The following DDB2 variants were observed in gnomAD, a reference collection of about 807,000 sequenced individuals.
The protein encoded by DDB2 is DNA damage-binding protein 2.
Under a neutral mutation model 50.5 loss-of-function variants are expected in DDB2, and 27 were observed. The ratio of observed to expected loss-of-function variants is 0.53; its 90% confidence interval spans 0.39 to 0.74. The LOEUF is 0.74. Ranked by LOEUF, DDB2 falls within the 30% of genes least tolerant of loss-of-function variation. DDB2 has a pLI of 0.00. For missense variants in DDB2, 424 were observed against 545.6 expected (o/e 0.78, Z 2.22); for synonymous variants, 176 against 205.5 (o/e 0.86, Z 1.23).
intron 3 of DDB2, among the ~76,000 whole-genome samples, chr11:47,222,980 T>C (rs1021320575): frequency 1.3e-5 from 2 of 152,246 alleles, no homozygotes; most frequent in Non-Finnish European, 2.9e-5. Flanking sequence ...ATATTTCTTA[T>C]AATGCAGATT....
intron 3 of DDB2, among the ~76,000 whole-genome samples, chr11:47,228,977 A>ATATCTCTCTATCTATCTATC (rs1554974379): frequency 2.4e-5 from 3 of 124,660 alleles, no homozygotes; most frequent in Non-Finnish European, 4.9e-5. Flanking sequence ...AAAAAAAGAA[A>ATATCTCTCTATCTATCTATC]TATCTATCTA....
At chr11:47,217,806 G>A (rs975858546) in intron 3 of DDB2, among the ~76,000 whole-genome samples, 2 of 152,054 alleles carry the variant, frequency 1.3e-5, no homozygotes, top group Non-Finnish European at 2.9e-5. Flanking sequence ...CAGGAGAATC[G>A]CTTGAACCCG....
At chr11:47,216,233 A>C in intron 1 of DDB2, 103 bp from the exon 2 acceptor site, 8 of 1,554,528 alleles carry the variant, frequency 5.1e-6, no homozygotes, top group African/African-American at 1.4e-5. Flanking sequence ...GTGATGAGAC[A>C]GAGATTAACC....
At chr11:47,227,988 A>G (rs1009035370) in intron 3 of DDB2, among the ~76,000 whole-genome samples, 2 of 151,670 alleles carry the variant, frequency 1.3e-5, no homozygotes, top group African/African-American at 4.8e-5. Flanking sequence ...AAATATGCAA[A>G]AATTAGCTGG....
chr11:47,214,936 C>G, upstream of DDB2: 2 of 692,436 alleles, frequency 2.9e-6, no homozygotes, highest in Non-Finnish European at 4.7e-6. Flanking sequence ...CAGGAAGGGG[C>G]GGGGTCTCCG....
chr11:47,224,828 T>C (rs1223445189), intron 3 of DDB2, among the ~76,000 whole-genome samples: 1 of 147,532 alleles, frequency 6.8e-6, no homozygotes, highest in Non-Finnish European at 1.5e-5. Context: ...GGCTGCTCCA[T>C]AGGCAAAGTA....
At chr11:47,224,019 T>A (rs750753057) in intron 3 of DDB2, among the ~76,000 whole-genome samples, 2 of 151,084 alleles carry the variant, frequency 1.3e-5, no homozygotes, top group African/African-American at 4.9e-5. Context: ...GAGAATTGCT[T>A]AAGCCCAGGG....
Position 47,235,317 on chromosome 11 carries a change from A to T in DDB2, c.928A>T (p.Ser310Cys). 3.7e-6 allele frequency: 6 copies of T among 1,614,142 alleles called. No individual in the cohort carries two copies. Among genetic ancestry groups the T allele is most frequent in the Non-Finnish European group, 5.1e-6 (6 of 1,180,030 alleles). The change falls in exon 7 of 10, where the codon AGC becomes TGC. Residue 310 changes from serine (S) to cysteine (C), a missense_variant. Transcript: ENST00000256996. ...CCGGCTCCTGACCACGGACCAGAAGAGCGAGATCCGAGTTTACTCTGCTTC... is the reference window on the plus strand; with the variant it reads ...CCGGCTCCTGACCACGGACCAGAAGTGCGAGATCCGAGTTTACTCTGCTTC... ...GARLLTTDQK[S>C]EIRVYSASQW...
chr11:47,235,518 G>T, intron 7 of DDB2, 106 bp downstream of exon 7: 2 of 1,255,950 alleles, frequency 1.6e-6, no homozygotes, highest in Admixed American at 3.9e-5. Context: ...TGCCACCCCA[G>T]ATCGCTCCTG....
intron 3 of DDB2, among the ~76,000 whole-genome samples, chr11:47,232,468 G>A (rs1279853810): frequency 4.0e-5 from 6 of 150,638 alleles, no homozygotes; most frequent in Non-Finnish European, 7.4e-5. Flanking sequence ...CTTGGGCAAC[G>A]TGACAAAACC....
chr11:47,232,762 C>T (rs533206595), intron 3 of DDB2, 52 bp from the exon 4 acceptor site: 100 of 1,602,584 alleles, frequency 6.2e-5, no homozygotes, highest in Non-Finnish European at 8.4e-5. Flanking sequence ...AGGCCTGGTT[C>T]CTCACGGCCA....
At chr11:47,234,469 T>C (rs886199884) in intron 4 of DDB2, 104 bp from the exon 5 acceptor site, 1 of 882,890 alleles carries the variant, frequency 1.1e-6, no homozygotes, top group Non-Finnish European at 1.9e-6. Context: ...ATTCAACAAA[T>C]ATTTATTGAA....
At chr11:47,238,767 A>C (rs1338238638) in intron 9 of DDB2, 33 bp from the exon 10 acceptor site, 1 of 1,612,066 alleles carries the variant, frequency 6.2e-7, no homozygotes, top group Non-Finnish European at 8.5e-7. Flanking sequence ...TGGTAACAGA[A>C]AGTGTAAGTC....
At position 47,215,108 on chromosome 11, in the gene DDB2, G is replaced by A; in HGVS notation, c.-29G>A. 1.2e-6 allele frequency: 2 copies of A among 1,613,918 alleles called. No individual in the cohort carries two copies. Among genetic ancestry groups the A allele is most frequent in the South Asian group, 1.1e-5 (1 of 91,080 alleles). ...CCTCCCTCCATGATCTTCGCATAGA[G>A]CACAGTACCCCTTCACACGGAGGAC... is the stretch of plus-strand genomic sequence containing the variant. On this transcript the variant is annotated 5_prime_UTR_variant, in exon 1 of 10. Transcript: ENST00000256996.
chr11:47,217,020 A>C lies in DDB2; in HGVS notation c.427A>C (p.Ile143Leu), dbSNP rs1273318303. The C allele has an allele frequency of 6.2e-7, 1 of 1,614,050 alleles. No individual in the cohort carries two copies. Among genetic ancestry groups the C allele is most frequent in the Admixed American group, 1.7e-5 (1 of 59,988 alleles). ...AGATATCATGCTCTGGAATTTTGGCATCAAGGACAAACCCACCTTCATCAA... is the reference window on the plus strand; with the variant it reads ...AGATATCATGCTCTGGAATTTTGGCCTCAAGGACAAACCCACCTTCATCAA... ...GGDIMLWNFG[I>L]KDKPTFIKGI... is the part of the protein sequence containing the mutation. Residue 143 changes from isoleucine to leucine, a missense_variant, in exon 3 of 10, where the codon ATC (isoleucine) becomes CTC (leucine). Physicochemically the swap from Ile to Leu is conservative, Grantham distance 5 (BLOSUM62 2). Coordinates refer to ENST00000256996, the MANE Select transcript of DDB2 (RefSeq NM_000107.3).
chr11:47,232,525 C>T (rs571757356), intron 3 of DDB2, among the ~76,000 whole-genome samples: 62 of 151,038 alleles, frequency 4.1e-4, no homozygotes, highest in African/African-American at 6.3e-4. Context: ...CATGGTGGCA[C>T]GCACTTGGGA....
upstream of DDB2, chr11:47,214,807 T>A (rs946563284): frequency 5.0e-6 from 2 of 396,906 alleles, no homozygotes; most frequent in African/African-American, 2.1e-5. Flanking sequence ...CCGGGGACCA[T>A]CTTTGCTCCA....
chr11:47,221,177 A>C (rs985360800), intron 3 of DDB2, among the ~76,000 whole-genome samples: 1 of 152,160 alleles, frequency 6.6e-6, no homozygotes, highest in Non-Finnish European at 1.5e-5. Flanking sequence ...AAAACAAAAC[A>C]GTGTATTCTT....
Position 47,223,562 on chromosome 11 carries a change from C to T in DDB2, c.456+6513C>T, listed in dbSNP as rs184093219. On this transcript the variant is annotated intron_variant, in intron 3 of 9. Coordinates refer to ENST00000256996, the MANE Select transcript of DDB2 (RefSeq NM_000107.3). ...TTGGGAGGCCGAGGCAGGCGGATCA[C>T]GAGATCAAGAGATTGAGACCACCCT... is the stretch of plus-strand genomic sequence containing the variant. 2.5e-3 allele frequency among the ~76,000 whole-genome samples: 386 copies of T among 151,830 alleles called. 2 individuals carry two copies. Among genetic ancestry groups the T allele is most frequent in the Middle Eastern group, 0.01 (3 of 294 alleles).
Sources: allele counts gnomAD v4.1 joint callset (sites outside exome capture counted in the v4.1 genomes callset), GRCh38; gene constraint gnomAD v4.1.1; transcripts MANE v1.5; gene names NCBI Gene and HGNC (gene_info 2026-07-23, HGNC 2026-07-21).